ZMYM2: variants seen among roughly 807,000 people sequenced by gnomAD.
The protein encoded by ZMYM2 is zinc finger MYM-type containing 2, also known as zinc finger MYM-type protein 2.
A neutral mutation model predicts 162.8 loss-of-function variants in ZMYM2; 56 were observed. The ratio of observed to expected loss-of-function variants is 0.34; its 90% confidence interval spans 0.28 to 0.43. ZMYM2 has a LOEUF of 0.43. Ranked by LOEUF, ZMYM2 falls within the 20% of genes least tolerant of loss-of-function variation. ZMYM2 has a pLI of 1.00. For synonymous variants in ZMYM2, 510 were observed against 541.6 expected (o/e 0.94, Z 0.81); for missense variants, 1,275 against 1,621.8 (o/e 0.79, Z 3.67).
chr13:19,922,854 AC>A, the ZMYM2 span, among the ~76,000 whole-genome samples: 5 of 151,794 alleles, frequency 3.3e-5, no homozygotes, highest in African/African-American at 1.2e-4. Context: ...AAAAAACAAA[AC>A]AAAACAAAAA....
chr13:19,988,332 A>C (rs1949341734), intron 2 of ZMYM2, among the ~76,000 whole-genome samples: 1 of 152,208 alleles, frequency 6.6e-6, no homozygotes, highest in African/African-American at 2.4e-5. Flanking sequence ...GCTAGAGTGT[A>C]TACTTGGATA....
At chr13:19,894,157 T>A in the ZMYM2 span, among the ~76,000 whole-genome samples, 1 of 152,006 alleles carries the variant, frequency 6.6e-6, no homozygotes, top group South Asian at 2.1e-4. Context: ...GGGTTACGTC[T>A]TGATAAACCC....
chr13:19,891,246 A>G, the ZMYM2 span, among the ~76,000 whole-genome samples: 1 of 151,862 alleles, frequency 6.6e-6, no homozygotes, highest in Non-Finnish European at 1.5e-5. Context: ...CTTTCTTTGC[A>G]TGCACATGGA....
At chr13:19,969,322 T>C (rs758369441) in intron 2 of ZMYM2, among the ~76,000 whole-genome samples, 4 of 152,210 alleles carry the variant, frequency 2.6e-5, no homozygotes, top group Non-Finnish European at 4.4e-5. Context: ...TTCTAGCTGA[T>C]GGGAAGATAA....
chr13:19,868,371 A>C, the ZMYM2 span, among the ~76,000 whole-genome samples: 3 of 152,102 alleles, frequency 2.0e-5, no homozygotes, highest in Non-Finnish European at 2.9e-5. Context: ...GGTCATTTCA[A>C]CTTTGCTTCT....
chr13:19,973,978 T>C (rs1319265271), intron 2 of ZMYM2, among the ~76,000 whole-genome samples: 3 of 152,204 alleles, frequency 2.0e-5, no homozygotes, highest in African/African-American at 7.2e-5. Context: ...CCATAGGGCA[T>C]ATAAGAAAAC....
In ZMYM2 at chr13:19,993,228, G is replaced by C; in HGVS notation, c.156G>C (p.Ser52=). Residue 52 remains serine (S), a synonymous_variant, in exon 3 of 25, where the codon TCG becomes TCC. Coordinates refer to ENST00000610343, the MANE Select transcript of ZMYM2 (RefSeq NM_197968.4). ...LVSRSNKFQN[S]SVEDDDDVVF... is the part of the protein sequence containing the mutation. Reference sequence around the variant, plus strand: ...CTAGATCTAATAAGTTTCAGAACTCGTCAGTGGAAGATGATGATGATGTTG... The same window carrying C: ...CTAGATCTAATAAGTTTCAGAACTCCTCAGTGGAAGATGATGATGATGTTG... 6.2e-7 allele frequency: 1 copy of C among 1,613,932 alleles called. No individual in the cohort carries two copies. Among genetic ancestry groups the C allele is most frequent in the Non-Finnish European group, 8.5e-7 (1 of 1,179,880 alleles).
the ZMYM2 span, among the ~76,000 whole-genome samples, chr13:19,906,034 G>A: frequency 1.3e-5 from 2 of 151,750 alleles, no homozygotes; most frequent in Non-Finnish European, 2.9e-5. Context: ...CCAGCACTTT[G>A]GGAGGCTGAG....
intron 2 of ZMYM2, among the ~76,000 whole-genome samples, chr13:19,977,226 G>T (rs949132369): frequency 2.6e-5 from 4 of 151,928 alleles, no homozygotes; most frequent in Non-Finnish European, 5.9e-5. Context: ...TCACTTTGTT[G>T]CCTAGGTTGG....
the ZMYM2 span, among the ~76,000 whole-genome samples, chr13:19,904,510 A>G: frequency 6.6e-6 from 1 of 152,114 alleles, no homozygotes; most frequent in African/African-American, 2.4e-5. Context: ...GTGAGCTGAG[A>G]TGGCGCCATT....
At chr13:19,914,177 A>T in the ZMYM2 span, among the ~76,000 whole-genome samples, 1 of 152,242 alleles carries the variant, frequency 6.6e-6, no homozygotes, top group African/African-American at 2.4e-5. Context: ...TCTGGGGAAG[A>T]GGCATGTGAA....
At chr13:19,912,093 C>A in the ZMYM2 span, among the ~76,000 whole-genome samples, 1 of 152,138 alleles carries the variant, frequency 6.6e-6, no homozygotes, top group African/African-American at 2.4e-5. Context: ...ATTGCTTGAG[C>A]AAATTGACAC....
chr13:19,985,371 G>A (rs984113679), intron 2 of ZMYM2, among the ~76,000 whole-genome samples: 3 of 152,150 alleles, frequency 2.0e-5, no homozygotes, highest in African/African-American at 4.8e-5. Flanking sequence ...TGATCTGCCT[G>A]CCTCTGTCTC....
Position 20,019,553 on chromosome 13 carries a change from A to G in ZMYM2, c.1519A>G (p.Ser507Gly), listed in dbSNP as rs1389386124. 6.3e-6 allele frequency: 10 copies of G among 1,586,348 alleles called. No individual in the cohort carries two copies. The highest frequency in any genetic ancestry group is 7.7e-6 in the Non-Finnish European group (9 of 1,165,644). Residue 507 changes from serine (S) to glycine (G), a missense_variant, in exon 7 of 25, where the codon AGC (serine) becomes GGC (glycine). Physicochemically the swap from Ser to Gly is moderately conservative, Grantham distance 56. Coordinates refer to ENST00000610343, the MANE Select transcript of ZMYM2 (RefSeq NM_197968.4). ...SCVSEYKQVGSHPSFLKEVRD... is the reference protein window; with the variant it reads ...SCVSEYKQVGGHPSFLKEVRD... ...TTTTAAAATCTTTTTTTAGGTAGGT[A>G]GCCATCCAAGCTTCCTGAAGGAGGT...
At chr13:19,991,951 C>G (rs1454343018) in intron 2 of ZMYM2, among the ~76,000 whole-genome samples, 1 of 152,136 alleles carries the variant, frequency 6.6e-6, no homozygotes, top group Non-Finnish European at 1.5e-5. Flanking sequence ...TATAAGGGTA[C>G]TTGTGAGTAC....
chr13:20,003,571 A>G (rs1203090962), intron 4 of ZMYM2, among the ~76,000 whole-genome samples: 1 of 151,704 alleles, frequency 6.6e-6, no homozygotes, highest in African/African-American at 2.4e-5. Flanking sequence ...TCAGGTACCA[A>G]TTTTTAGCCA....
the ZMYM2 span, among the ~76,000 whole-genome samples, chr13:19,914,243 A>G: frequency 1.3e-5 from 2 of 152,256 alleles, no homozygotes; most frequent in Non-Finnish European, 2.9e-5. Flanking sequence ...GTGAATGCTC[A>G]CTAAAGAGTG....
chr13:19,900,655 C>T, the ZMYM2 span, among the ~76,000 whole-genome samples: 1 of 152,074 alleles, frequency 6.6e-6, no homozygotes. Context: ...GCTCAATATG[C>T]CTGATGAATA....
rs182092001 is a variant in ZMYM2 at position 20,012,575 on chromosome 13, C to T, written c.1512+5989C>T. ...TGCCAAATGCCAGGTCATGGTTTTC[C>T]TCTACAGTTTCCTCTAAGAGTTGTA... On this transcript the variant is annotated intron_variant, in intron 6 of 24. Transcript: ENST00000610343. 2.1e-3 allele frequency among the ~76,000 whole-genome samples: 327 copies of T among 152,246 alleles called. 11 individuals are homozygous for T. The South Asian group carries it at 0.055, about 26-fold the overall frequency.
Sources: gnomAD v4.1 joint callset for allele counts (sites outside exome capture counted in the v4.1 genomes callset) on GRCh38, gnomAD v4.1.1 for gene constraint, MANE v1.5 for transcripts, NCBI Gene and HGNC (gene_info 2026-07-23, HGNC 2026-07-21) for gene names.